Variants in METTL9 observed in about 807,000 individuals in gnomAD.
METTL9 encodes the protein methyltransferase 9, His-X-His N1(pi)-histidine, also known as protein-L-histidine N-pros-methyltransferase.
A neutral mutation model predicts 36.0 loss-of-function variants in METTL9; 10 were observed. The observed-to-expected ratio is 0.28, with a 90% CI of 0.17 to 0.47. The LOEUF is 0.47. Ranked by LOEUF, METTL9 falls within the 20% of genes least tolerant of loss-of-function variation. METTL9 has a pLI of 0.99. For synonymous variants in METTL9, 175 were observed against 149.7 expected, an observed-to-expected ratio of 1.17 and a Z score of -1.23; for missense variants, 246 against 383.5, an observed-to-expected ratio of 0.64 and a Z score of 3.00.
At chr16:21,603,364 C>A (rs945847751) in intron 1 of METTL9, among the ~76,000 whole-genome samples, 1 of 152,112 alleles carries the variant, frequency 6.6e-6, no homozygotes. Context: ...GTCTTGAACT[C>A]CTGGCCTCAA....
At chr16:21,624,150 C>G (rs965172967) in intron 3 of METTL9, among the ~76,000 whole-genome samples, 1 of 152,134 alleles carries the variant, frequency 6.6e-6, no homozygotes, top group Non-Finnish European at 1.5e-5. Context: ...GCTCAAAGGT[C>G]ATAAGTTATC....
intron 1 of METTL9, among the ~76,000 whole-genome samples, chr16:21,601,971 A>G (rs576023724): frequency 6.6e-6 from 1 of 152,306 alleles, no homozygotes; most frequent in South Asian, 2.1e-4. Flanking sequence ...AACCACCATG[A>G]GATAAAGTAG....
chr16:21,637,587 G>A (rs1966135288), intron 4 of METTL9, among the ~76,000 whole-genome samples: 1 of 152,238 alleles, frequency 6.6e-6, no homozygotes, highest in Non-Finnish European at 1.5e-5. Context: ...CACCTAGCCT[G>A]GGCACTCCAG....
intron 4 of METTL9, chr16:21,646,952 C>T: frequency 1.3e-6 from 1 of 763,956 alleles, no homozygotes; most frequent in Non-Finnish European, 2.2e-6. Context: ...CCACGCCCAG[C>T]CAGTTGGAGT....
rs1038792937 is a variant in METTL9 at position 21,618,801 on chromosome 16, C to T, written c.566+727C>T. On this transcript the variant is annotated intron_variant, in intron 3 of 4. Coordinates refer to ENST00000358154, the MANE Select transcript of METTL9 (RefSeq NM_016025.5). ...CGATCTCGGCTCACTACAACCTCTA[C>T]CTCTCAGGTTCAAGCAATTCTCCTG... Among the ~76,000 whole-genome samples the T allele has an allele frequency of 2.0e-5, 3 of 151,890 alleles. No individual in the cohort carries two copies. The East Asian group carries it at 5.8e-4, about 29-fold the overall frequency.
intron 4 of METTL9, among the ~76,000 whole-genome samples, chr16:21,630,296 A>G (rs1965923523): frequency 6.6e-6 from 1 of 152,078 alleles, no homozygotes; most frequent in African/African-American, 2.4e-5. Context: ...GCCTGCGCCC[A>G]CCCGGAACCC....
chr16:21,598,656 C>G (rs1004297343), upstream of METTL9, among the ~76,000 whole-genome samples: 1 of 152,098 alleles, frequency 6.6e-6, no homozygotes, highest in African/African-American at 2.4e-5. Flanking sequence ...TGTAACTAAC[C>G]CTTCAGTTCT....
At chr16:21,602,533 T>C (rs1369622359) in intron 1 of METTL9, among the ~76,000 whole-genome samples, 9 of 152,190 alleles carry the variant, frequency 5.9e-5, no homozygotes, top group Admixed American at 5.9e-4. Context: ...CACAGACTTA[T>C]TTTACAGCCT....
chr16:21,624,759 G>T (rs1965782162), intron 3 of METTL9, among the ~76,000 whole-genome samples, 172 bp from the exon 4 acceptor site: 1 of 151,674 alleles, frequency 6.6e-6, no homozygotes, highest in African/African-American at 2.4e-5. Flanking sequence ...AAAAAAAATG[G>T]TTGCTATTTT....
rs961558722 is a variant in METTL9, at chr16:21,614,432, G to A, written c.356+1597G>A. On this transcript the variant is annotated intron_variant, in intron 2 of 4. Transcript: ENST00000358154. ...CCCATAAGACCCTGGTTAAAATTCCGTGCTCTAGAATTTCACAGTTTGATC... is the reference window on the plus strand; with the variant it reads ...CCCATAAGACCCTGGTTAAAATTCCATGCTCTAGAATTTCACAGTTTGATC... 1.1e-4 allele frequency among the ~76,000 whole-genome samples: 16 copies of A among 151,988 alleles called. 1 individual carries two copies. The highest frequency in any genetic ancestry group is 1.9e-4 in the Non-Finnish European group (13 of 68,010).
At position 21,641,543 on chromosome 16, in the gene METTL9, T is replaced by A. The variant is rs778045009; in HGVS notation, c.752-13684T>A. 3.2e-6 allele frequency: 5 copies of A among 1,585,922 alleles called. No homozygotes were observed. The African/African-American group carries it at 5.4e-5, about 17-fold the overall frequency. On this transcript the variant is annotated intron_variant, in intron 4 of 4. Transcript: ENST00000358154. ...GAAAATTAAAACGTTTCTATGGCCT[T>A]TCATAGTTGGAAAGTACTCTTCTGT...
intron 1 of METTL9, among the ~76,000 whole-genome samples, chr16:21,609,643 C>A (rs557685278): frequency 6.6e-6 from 1 of 151,640 alleles, no homozygotes; most frequent in East Asian, 1.9e-4. Context: ...GAGACAGCCA[C>A]GGGAAAGGGG....
At chr16:21,618,653 G>T (rs952126707) in intron 3 of METTL9, among the ~76,000 whole-genome samples, 6 of 151,984 alleles carry the variant, frequency 3.9e-5, no homozygotes, top group African/African-American at 1.4e-4. Context: ...CTTATCGCAT[G>T]TAGCATAATG....
intron 4 of METTL9, chr16:21,627,169 T>A: frequency 1.0e-6 from 1 of 985,394 alleles, no homozygotes; most frequent in Non-Finnish European, 1.2e-6. Context: ...AGTCACTAAT[T>A]AGATCCTGAT....
At chr16:21,618,133 T>A in intron 3 of METTL9, 59 bp downstream of exon 3, 1 of 1,237,150 alleles carries the variant, frequency 8.1e-7, no homozygotes, top group Non-Finnish European at 1.1e-6. Context: ...TTAAAGGATA[T>A]GAATAAAAAA....
chr16:21,641,549 G>A, intron 4 of METTL9: 1 of 1,586,540 alleles, frequency 6.3e-7, no homozygotes, highest in Non-Finnish European at 8.6e-7. Flanking sequence ...GCCTTTCATA[G>A]TTGGAAAGTA....
intron 4 of METTL9, among the ~76,000 whole-genome samples, chr16:21,631,756 G>A (rs973599378): frequency 1.3e-5 from 2 of 152,006 alleles, no homozygotes; most frequent in Admixed American, 6.6e-5. Context: ...GTGCTTTCGC[G>A]CTACGCCCTT....
At chr16:21,607,677 C>T (rs1965323223) in intron 1 of METTL9, among the ~76,000 whole-genome samples, 1 of 152,172 alleles carries the variant, frequency 6.6e-6, no homozygotes, top group East Asian at 1.9e-4. Flanking sequence ...TTTGAGTGAG[C>T]TTTAAAGGCA....
rs566961050 is a variant in METTL9 at position 21,646,801 on chromosome 16, G to T, written c.752-8426G>T. On this transcript the variant is annotated intron_variant, in intron 4 of 4. Coordinates refer to ENST00000358154, the MANE Select transcript of METTL9 (RefSeq NM_016025.5). ...CTCCCAAGCAGCTGGGACTACAGGT[G>T]CATGCCACCATGCGCGGCTAATTTT... The T allele has an allele frequency of 1.0e-4, 36 of 349,846 alleles. 1 individual carries two copies. Among genetic ancestry groups the T allele is most frequent in the Non-Finnish European group, 1.6e-4 (29 of 178,082 alleles). The allele number at this position is 349,846 out of a possible 1,614,324, so 21.7% of individuals were successfully genotyped here.
Sources: gnomAD v4.1 joint callset for allele counts (sites outside exome capture counted in the v4.1 genomes callset) on GRCh38, gnomAD v4.1.1 for gene constraint, MANE v1.5 for transcripts, NCBI Gene and HGNC (gene_info 2026-07-23, HGNC 2026-07-21) for gene names.